ERC2: variants seen among roughly 807,000 people sequenced by gnomAD.
The protein encoded by ERC2 is ELKS/RAB6-interacting/CAST family member 2, also known as ERC protein 2.
In ERC2, 42 loss-of-function variants were observed where a neutral mutation model predicts 114.8. The observed-to-expected ratio is 0.37, with a 90% CI of 0.29 to 0.47. The LOEUF (loss-of-function observed/expected upper bound fraction) is 0.47. Ranked by LOEUF, ERC2 falls within the 20% of genes least tolerant of loss-of-function variation. ERC2 has a pLI of 0.99. For missense variants in ERC2, 939 were observed against 1,150.7 expected (o/e 0.82, Z 2.66); for synonymous variants, 454 against 425.5 (o/e 1.07, Z -0.82).
chr3:55,723,687 T>C (rs2064726886), intron 15 of ERC2, among the ~76,000 whole-genome samples: 1 of 152,166 alleles, frequency 6.6e-6, no homozygotes, highest in African/African-American at 2.4e-5. Flanking sequence ...TTTTCCTTAA[T>C]TTTCAGGAAA....
intron 3 of ERC2, among the ~76,000 whole-genome samples, chr3:56,278,766 A>C (rs887825867): frequency 1.6e-4 from 25 of 152,310 alleles, no homozygotes; most frequent in African/African-American, 5.1e-4. Flanking sequence ...CGTGCAGATC[A>C]CATGGTGAGG....
At chr3:56,161,586 G>C (rs577410519) in intron 4 of ERC2, among the ~76,000 whole-genome samples, 1 of 152,090 alleles carries the variant, frequency 6.6e-6, no homozygotes, top group Non-Finnish European at 1.5e-5. Context: ...GCAGTGTTTT[G>C]CAGTTCTTCT....
chr3:55,906,759 T>C (rs924228824), intron 13 of ERC2, among the ~76,000 whole-genome samples: 1 of 152,190 alleles, frequency 6.6e-6, no homozygotes, highest in African/African-American at 2.4e-5. Flanking sequence ...GACTTATCTT[T>C]ACAGGCAAAG....
At chr3:56,169,828 T>G (rs1271656037) in intron 4 of ERC2, among the ~76,000 whole-genome samples, 1 of 146,218 alleles carries the variant, frequency 6.8e-6, no homozygotes, top group Non-Finnish European at 1.5e-5. Context: ...AAAAAACAAA[T>G]GGCTTTATGA....
intron 15 of ERC2, among the ~76,000 whole-genome samples, chr3:55,724,075 A>G (rs1055255804): frequency 6.6e-6 from 1 of 152,176 alleles, no homozygotes; most frequent in East Asian, 1.9e-4. Context: ...AACTAAAGAG[A>G]AAAAGGCTTT....
At chr3:56,245,484 G>T (rs530653461) in intron 3 of ERC2, among the ~76,000 whole-genome samples, 1 of 142,640 alleles carries the variant, frequency 7.0e-6, no homozygotes, top group Non-Finnish European at 1.5e-5. Flanking sequence ...TTTGCCAGAC[G>T]TATGTATGTG....
At chr3:55,647,846 C>T (rs886619323) in intron 17 of ERC2, among the ~76,000 whole-genome samples, 11 of 152,248 alleles carry the variant, frequency 7.2e-5, no homozygotes. Flanking sequence ...GGCACAAACC[C>T]AGCAAGCTGA....
At chr3:56,465,102 T>C (rs12633036) in intron 1 of ERC2, among the ~76,000 whole-genome samples, 2,790 of 152,228 alleles carry the variant, frequency 0.018, 224 homozygotes, top group Admixed American at 0.13. Context: ...TTTTCCAACA[T>C]AACAAAACAA....
chr3:56,077,669 G>A (rs767246673), intron 7 of ERC2, among the ~76,000 whole-genome samples: 4 of 152,120 alleles, frequency 2.6e-5, no homozygotes, highest in Admixed American at 6.5e-5. Flanking sequence ...GAACAAGTGT[G>A]ATATTTTTCC....
chr3:55,912,645 G>A (rs1300374878), intron 13 of ERC2, among the ~76,000 whole-genome samples: 1 of 152,040 alleles, frequency 6.6e-6, no homozygotes, highest in African/African-American at 2.4e-5. Context: ...TAGTAGAGAA[G>A]GCTGTTTGGA....
At chr3:56,339,619 G>A (rs900895604) in intron 2 of ERC2, among the ~76,000 whole-genome samples, 2 of 152,032 alleles carry the variant, frequency 1.3e-5, no homozygotes, top group Non-Finnish European at 1.5e-5. Flanking sequence ...TCAAGGAGAT[G>A]TTTCCTAAGT....
chr3:56,373,907 G>A (rs1478667443), intron 2 of ERC2, among the ~76,000 whole-genome samples: 1 of 152,074 alleles, frequency 6.6e-6, no homozygotes, highest in Non-Finnish European at 1.5e-5. Context: ...ATTTAAAAAA[G>A]TCAAATTCAT....
chr3:55,823,373 T>G (rs1401948892), intron 14 of ERC2, among the ~76,000 whole-genome samples: 1 of 152,340 alleles, frequency 6.6e-6, no homozygotes, highest in South Asian at 2.1e-4. Flanking sequence ...CTTGTCTTTG[T>G]TATCCCAGTA....
chr3:55,704,133 G>A (rs2063362276), intron 15 of ERC2, among the ~76,000 whole-genome samples: 1 of 152,222 alleles, frequency 6.6e-6, no homozygotes, highest in African/African-American at 2.4e-5. Context: ...CACCATCTGT[G>A]AAAAGGTGCC....
intron 2 of ERC2, among the ~76,000 whole-genome samples, chr3:56,335,477 G>T (rs2057807383): frequency 6.6e-6 from 1 of 152,164 alleles, no homozygotes; most frequent in Admixed American, 6.5e-5. Flanking sequence ...GGGGTGAGGG[G>T]TGAGTTCTGA....
At chr3:55,855,196 A>G (rs1010506449) in intron 14 of ERC2, among the ~76,000 whole-genome samples, 1 of 152,234 alleles carries the variant, frequency 6.6e-6, no homozygotes, top group African/African-American at 2.4e-5. Context: ...AAGGCATCTC[A>G]GAGGTGTAAA....
intron 17 of ERC2, chr3:55,647,093 C>T (rs2060427779): frequency 6.6e-6 from 1 of 152,156 alleles, no homozygotes; most frequent in African/African-American, 2.4e-5. Flanking sequence ...TGTTACCCAT[C>T]CTCCTCCTCA....
chr3:55,748,578 C>T (rs775094628), intron 14 of ERC2, among the ~76,000 whole-genome samples: 15 of 152,196 alleles, frequency 9.9e-5, no homozygotes, highest in Non-Finnish European at 2.1e-4. Context: ...CCATCATGAG[C>T]AAATGCTGGA....
At chr3:55,524,287 T>A (rs1355870279) in intron 17 of ERC2, among the ~76,000 whole-genome samples, 1 of 152,118 alleles carries the variant, frequency 6.6e-6, no homozygotes, top group African/African-American at 2.4e-5. Flanking sequence ...GGCTTGGTCA[T>A]CTTCATGAAA....
Sources: allele counts gnomAD v4.1 joint callset (sites outside exome capture counted in the v4.1 genomes callset), GRCh38; gene constraint gnomAD v4.1.1; transcripts MANE v1.5; gene names NCBI Gene and HGNC (gene_info 2026-07-23, HGNC 2026-07-21).